MAGI1: variants seen among roughly 807,000 people sequenced by gnomAD.
MAGI1 encodes membrane associated guanylate kinase, WW and PDZ domain containing 1, also known as membrane-associated guanylate kinase, WW and PDZ domain-containing protein 1.
Under a neutral mutation model 139.9 loss-of-function variants are expected in MAGI1, and 58 were observed. That is an observed-to-expected ratio of 0.41 (90% confidence interval 0.34 to 0.52). MAGI1 has a LOEUF of 0.52. Among genes scored for constraint, MAGI1 ranks in the 20% least tolerant of loss-of-function variants. MAGI1 has a pLI of 0.12. For missense variants in MAGI1, 1,874 were observed against 1,901.6 expected (o/e 0.99, Z 0.27); for synonymous variants, 812 against 737.9 (o/e 1.10, Z -1.63).
intron 1 of MAGI1, among the ~76,000 whole-genome samples, chr3:65,852,302 G>A (rs1274140445): frequency 6.6e-6 from 1 of 151,792 alleles, no homozygotes; most frequent in Non-Finnish European, 1.5e-5. Context: ...CACCTGGCCA[G>A]CATCAGTTTT....
intron 1 of MAGI1, among the ~76,000 whole-genome samples, chr3:65,713,666 A>T (rs567041086): frequency 6.6e-6 from 1 of 152,290 alleles, no homozygotes; most frequent in South Asian, 2.1e-4. Flanking sequence ...TCCTGGCTCC[A>T]TTACTCAGGA....
intron 1 of MAGI1, chr3:65,954,471 A>AT (rs1286991882): frequency 6.6e-6 from 1 of 152,596 alleles, no homozygotes; most frequent in Non-Finnish European, 1.5e-5. Context: ...GACATAGAAA[A>AT]TGTCTGTGAC....
At chr3:65,442,875 C>A (rs1442838493) in intron 7 of MAGI1, 26 bp from the exon 8 acceptor site, 2 of 1,587,300 alleles carry the variant, frequency 1.3e-6, no homozygotes, top group East Asian at 4.5e-5. Context: ...ACATTTAGGG[C>A]AAGAAGAGCA....
rs537880427 is a variant in MAGI1, at chr3:65,931,762, T to A, written c.313+106234A>T. On this transcript the variant is annotated intron_variant, in intron 1 of 22. Transcript: ENST00000402939. Reference sequence around the variant, plus strand: ...CGCTATTATTCCTCTCTGTGGCATATGAAAACCTGCCATTACATGTGGATT... The same window carrying A: ...CGCTATTATTCCTCTCTGTGGCATAAGAAAACCTGCCATTACATGTGGATT... 2.0e-5 allele frequency among the ~76,000 whole-genome samples: 3 copies of A among 152,296 alleles called. No individual in the cohort carries two copies. In the South Asian group the frequency reaches 6.2e-4, roughly 32 times the overall value.
intron 1 of MAGI1, among the ~76,000 whole-genome samples, chr3:65,981,030 G>A (rs568711729): frequency 1.2e-4 from 18 of 151,688 alleles, no homozygotes; most frequent in Non-Finnish European, 1.9e-4. Context: ...GCATCAAGGC[G>A]TGTGCCTGTA....
At chr3:65,978,013 T>C (rs2065352813) in intron 1 of MAGI1, among the ~76,000 whole-genome samples, 1 of 152,130 alleles carries the variant, frequency 6.6e-6, no homozygotes, top group African/African-American at 2.4e-5. Flanking sequence ...CATTACCCAT[T>C]ATCTCTCAAA....
chr3:65,975,091 T>A (rs2065199872), intron 1 of MAGI1, among the ~76,000 whole-genome samples: 1 of 16,430 alleles, frequency 6.1e-5, no homozygotes, highest in African/African-American at 8.8e-5. Context: ...AAATAGCTAT[T>A]TAAAAAAAAA....
chr3:65,579,514 T>C (rs547133273), intron 2 of MAGI1, among the ~76,000 whole-genome samples: 1 of 152,286 alleles, frequency 6.6e-6, no homozygotes, highest in South Asian at 2.1e-4. Context: ...GAGACAACTG[T>C]AACAGGGATA....
At chr3:65,473,579 T>C (rs1477201335) in intron 4 of MAGI1, among the ~76,000 whole-genome samples, 2 of 140,620 alleles carry the variant, frequency 1.4e-5, no homozygotes, top group African/African-American at 5.3e-5. Flanking sequence ...AGGAAAAGGG[T>C]AGTGCCACTA....
chr3:66,031,916 C>T (rs187210364), intron 1 of MAGI1, among the ~76,000 whole-genome samples: 1 of 152,246 alleles, frequency 6.6e-6, no homozygotes, highest in Admixed American at 6.5e-5. Context: ...TGAAATTTCA[C>T]GTTTAGAGGC....
rs556881300 is a variant in MAGI1 at position 65,719,607 on chromosome 3, A to G, written c.314-97519T>C. Among the ~76,000 whole-genome samples, 38 of 151,042 alleles carry G rather than the reference A, an allele frequency of 2.5e-4. No homozygotes were observed. The South Asian group carries it at 7.3e-3, about 29-fold the overall frequency. ...GTAGCCCAGGCTGGAGTACAGTGGC[A>G]TAATCACAGCTCACTGCAGCCTCAA... is the stretch of plus-strand genomic sequence containing the variant. On this transcript the variant is annotated intron_variant, in intron 1 of 22. Transcript: ENST00000402939.
intron 1 of MAGI1, among the ~76,000 whole-genome samples, chr3:65,691,569 G>A (rs1203780941): frequency 1.3e-5 from 2 of 152,054 alleles, no homozygotes; most frequent in Non-Finnish European, 2.9e-5. Context: ...ACTTTTAGCA[G>A]AACATTATGT....
At chr3:65,620,645 T>G (rs962941860) in intron 2 of MAGI1, among the ~76,000 whole-genome samples, 4 of 152,246 alleles carry the variant, frequency 2.6e-5, no homozygotes, top group African/African-American at 9.6e-5. Flanking sequence ...TTACTAGGAC[T>G]ACAGTTTATA....
chr3:65,810,764 A>C (rs1207058507), intron 1 of MAGI1, among the ~76,000 whole-genome samples: 1 of 152,196 alleles, frequency 6.6e-6, no homozygotes, highest in Non-Finnish European at 1.5e-5. Flanking sequence ...AGGTCTACTG[A>C]CTTTCAACTC....
At chr3:65,557,913 A>C (rs1175933517) in intron 2 of MAGI1, among the ~76,000 whole-genome samples, 1 of 152,214 alleles carries the variant, frequency 6.6e-6, no homozygotes, top group Non-Finnish European at 1.5e-5. Flanking sequence ...AACCATGTAG[A>C]GAGGTCCCCC....
At chr3:65,868,173 C>A (rs1388232189) in intron 1 of MAGI1, among the ~76,000 whole-genome samples, 1 of 152,184 alleles carries the variant, frequency 6.6e-6, no homozygotes, top group Non-Finnish European at 1.5e-5. Context: ...AAGAAACTAA[C>A]TGTTATCACA....
chr3:65,461,187 G>C (rs950932395), intron 5 of MAGI1, among the ~76,000 whole-genome samples: 1 of 151,678 alleles, frequency 6.6e-6, no homozygotes, highest in African/African-American at 2.4e-5. Context: ...CATCTCTCTG[G>C]CATCTGTTGT....
rs146167183 is a variant in MAGI1 at position 65,429,692 on chromosome 3, G to A, written c.1995C>T (p.Gly665=). 5.2e-4 allele frequency: 843 copies of A among 1,613,784 alleles called. 1 individual carries two copies. The highest frequency in any genetic ancestry group is 6.6e-4 in the Non-Finnish European group (777 of 1,179,930). The change falls in exon 12 of 23, where the codon GGC becomes GGT. Residue 665 remains glycine (G), a synonymous_variant. Coordinates refer to ENST00000402939, the MANE Select transcript of MAGI1 (RefSeq NM_001033057.2). ...FTIADSPGGG[G]QRVKQIVDSP... Reference sequence around the variant, plus strand: ...TGTCAACAATCTGTTTCACTCTTTGGCCACCCCCACCAGGACTGTCTGCGA... The same window carrying A: ...TGTCAACAATCTGTTTCACTCTTTGACCACCCCCACCAGGACTGTCTGCGA...
intron 1 of MAGI1, among the ~76,000 whole-genome samples, chr3:65,969,142 CAAGGG>C (rs1560066338): frequency 6.6e-6 from 1 of 152,172 alleles, no homozygotes; most frequent in African/African-American, 2.4e-5. Context: ...GTCTGGAGAA[CAAGGG>C]AAGTGAAGAC....
Sources: gnomAD v4.1 joint callset for allele counts (sites outside exome capture counted in the v4.1 genomes callset) on GRCh38, gnomAD v4.1.1 for gene constraint, MANE v1.5 for transcripts, NCBI Gene and HGNC (gene_info 2026-07-23, HGNC 2026-07-21) for gene names.